Variants in DPP6 observed in about 807,000 individuals in gnomAD.
DPP6 encodes A-type potassium channel modulatory protein DPP6.
In DPP6, 69 loss-of-function variants were observed where a neutral mutation model predicts 122.6. The observed-to-expected ratio is 0.56, with a 90% confidence interval of 0.46 to 0.69. The LOEUF is 0.69. Among genes scored for constraint, DPP6 ranks in the 30% least tolerant of loss-of-function variants. The pLI is 0.00. For synonymous variants in DPP6, 418 were observed against 433.1 expected (o/e 0.97, Z 0.43); for missense variants, 928 against 1,116.9 (o/e 0.83, Z 2.41).
chr7:154,763,945 C>G (rs1241315167), intron 8 of DPP6, among the ~76,000 whole-genome samples: 1 of 149,158 alleles, frequency 6.7e-6, no homozygotes, highest in Non-Finnish European at 1.5e-5. Flanking sequence ...TACCCACACC[C>G]CTGTGCCCTT....
chr7:154,294,898 T>C lies in DPP6; in HGVS notation c.244-151316T>C, dbSNP rs138648326. ...CTGGCTGAGCAGACAGCCCCAGAAA[T>C]GTCACCTGGAGCCGTTAAAAAAACA... On this transcript the variant is annotated intron_variant, in intron 1 of 25. Transcript: ENST00000377770. Among the ~76,000 whole-genome samples the C allele has an allele frequency of 2.5e-3, 381 of 152,242 alleles. 1 individual carries two copies. Among genetic ancestry groups the C allele is most frequent in the African/African-American group, 8.8e-3 (364 of 41,534 alleles).
chr7:154,625,156 A>G (rs1037133077), intron 5 of DPP6, among the ~76,000 whole-genome samples: 3 of 152,168 alleles, frequency 2.0e-5, no homozygotes, highest in Admixed American at 2.0e-4. Flanking sequence ...AGTCTTCCAC[A>G]TGTGCACGTG....
chr7:153,899,807 G>A (rs1563217178), intron 1 of DPP6, among the ~76,000 whole-genome samples: 1 of 152,180 alleles, frequency 6.6e-6, no homozygotes, highest in Non-Finnish European at 1.5e-5. Flanking sequence ...GGCAGGTGCA[G>A]GTGTGTACTC....
At chr7:153,791,316 T>C in the DPP6 span, among the ~76,000 whole-genome samples, 1 of 152,142 alleles carries the variant, frequency 6.6e-6, no homozygotes, top group Admixed American at 6.5e-5. Flanking sequence ...CGATAGATTT[T>C]TGCAGTGCAG....
At position 154,301,771 on chromosome 7, in the gene DPP6, T is replaced by C. The variant is rs372452911; in HGVS notation, c.244-144443T>C. On this transcript the variant is annotated intron_variant, in intron 1 of 25. Transcript: ENST00000377770. ...ATTTCATTATGGTAAGAACACTTAATACAAGATCTGCCCTCTTTTTTTTTT... is the reference window on the plus strand; with the variant it reads ...ATTTCATTATGGTAAGAACACTTAACACAAGATCTGCCCTCTTTTTTTTTT... Among the ~76,000 whole-genome samples the C allele has an allele frequency of 4.3e-4, 65 of 149,428 alleles. 1 individual carries two copies. The Middle Eastern group carries it at 0.014, about 32-fold the overall frequency.
At chr7:153,839,521 C>T in the DPP6 span, among the ~76,000 whole-genome samples, 113 of 152,338 alleles carry the variant, frequency 7.4e-4, no homozygotes, top group African/African-American at 2.6e-3. Context: ...TCCAGGCTGA[C>T]TAGTCCAACC....
intron 5 of DPP6, among the ~76,000 whole-genome samples, chr7:154,634,726 C>A (rs1360150483): frequency 1.3e-5 from 2 of 151,862 alleles, no homozygotes; most frequent in African/African-American, 4.8e-5. Context: ...TCTTCTCTTT[C>A]TTCTTGCCAT....
intron 4 of DPP6, among the ~76,000 whole-genome samples, chr7:154,552,984 C>T (rs1428587413): frequency 1.3e-5 from 2 of 152,196 alleles, no homozygotes; most frequent in Non-Finnish European, 2.9e-5. Context: ...AGATACTTTA[C>T]TCAGGGACAA....
intron 5 of DPP6, among the ~76,000 whole-genome samples, chr7:154,568,191 C>T (rs576237030): frequency 6.6e-6 from 1 of 152,332 alleles, no homozygotes; most frequent in South Asian, 2.1e-4. Context: ...GTGATGTTCA[C>T]GGGTCATAGA....
chr7:153,758,369 A>C, the DPP6 span, among the ~76,000 whole-genome samples: 1 of 152,260 alleles, frequency 6.6e-6, no homozygotes, highest in Non-Finnish European at 1.5e-5. Context: ...ATTGAGGTAT[A>C]GTTGACTGTG....
chr7:154,184,197 G>C (rs1026290636), intron 1 of DPP6, among the ~76,000 whole-genome samples: 1 of 151,444 alleles, frequency 6.6e-6, no homozygotes, highest in African/African-American at 2.4e-5. Context: ...ATAATGGTTA[G>C]TGTCTGTGTT....
chr7:154,662,381 C>T (rs1291809282), intron 6 of DPP6, among the ~76,000 whole-genome samples: 5 of 149,434 alleles, frequency 3.3e-5, no homozygotes, highest in Non-Finnish European at 7.5e-5. Flanking sequence ...GGCGTATTGG[C>T]CCTAGTGTTC....
At chr7:154,758,758 GTTTT>G (rs1458952820) in intron 8 of DPP6, among the ~76,000 whole-genome samples, 2 of 146,770 alleles carry the variant, frequency 1.4e-5, no homozygotes, top group Non-Finnish European at 3.0e-5. Flanking sequence ...TTGTTTGTTT[GTTTT>G]GTTTTGTTTG....
chr7:154,039,085 C>T (rs1261289445), intron 1 of DPP6, among the ~76,000 whole-genome samples: 2 of 35,006 alleles, frequency 5.7e-5, no homozygotes, highest in Non-Finnish European at 1.0e-4. Flanking sequence ...CTACTTTTAC[C>T]CCAGGACTTT....
chr7:154,111,315 A>G (rs1806556336), intron 1 of DPP6, among the ~76,000 whole-genome samples: 1 of 152,180 alleles, frequency 6.6e-6, no homozygotes, highest in African/African-American at 2.4e-5. Context: ...TCCCGGCTTG[A>G]CCACTTAGCT....
chr7:153,781,488 T>C, the DPP6 span, among the ~76,000 whole-genome samples: 1 of 152,194 alleles, frequency 6.6e-6, no homozygotes, highest in Non-Finnish European at 1.5e-5. Flanking sequence ...GGTTCTTCTG[T>C]AGGAACAGGC....
intron 1 of DPP6, among the ~76,000 whole-genome samples, chr7:154,082,846 C>CTTTTTTTT (rs1174987723): frequency 2.8e-5 from 3 of 106,272 alleles, no homozygotes; most frequent in African/African-American, 4.0e-5. Flanking sequence ...TTTTCTTTTT[C>CTTTTTTTT]TTTTTTTTTT....
chr7:154,866,257 AT>A (rs11285456), intron 17 of DPP6, among the ~76,000 whole-genome samples: 12,448 of 152,266 alleles, frequency 0.082, 1,135 homozygotes, highest in African/African-American at 0.23. Context: ...TAGAACATGA[AT>A]GATATGCAGT....
intron 1 of DPP6, among the ~76,000 whole-genome samples, chr7:153,955,861 C>T (rs2129024655): frequency 6.6e-6 from 1 of 152,318 alleles, no homozygotes; most frequent in Middle Eastern, 3.4e-3. Flanking sequence ...AGAGTCTACA[C>T]TCTTAACCCA....
Sources: allele counts gnomAD v4.1 joint callset (sites outside exome capture counted in the v4.1 genomes callset), GRCh38; gene constraint gnomAD v4.1.1; transcripts MANE v1.5; gene names NCBI Gene and HGNC (gene_info 2026-07-23, HGNC 2026-07-21).